Variants in NALF1 observed in about 807,000 individuals in gnomAD.
The protein encoded by NALF1 is NALCN channel auxiliary factor 1.
Under a neutral mutation model 48.4 loss-of-function variants are expected in NALF1, and 3 were observed. The observed-to-expected ratio is 0.06, with a 90% confidence interval of 0.03 to 0.16. The LOEUF is 0.16. Among genes scored for constraint, NALF1 ranks in the 10% least tolerant of loss-of-function variants. The pLI is 1.00. For synonymous variants in NALF1, 262 were observed against 245.7 expected (o/e 1.07, Z -0.62); for missense variants, 526 against 571.5 (o/e 0.92, Z 0.81).
chr13:107,767,203 T>A (rs1877439941), intron 1 of NALF1, among the ~76,000 whole-genome samples: 1 of 152,196 alleles, frequency 6.6e-6, no homozygotes, highest in Non-Finnish European at 1.5e-5. Context: ...AACATTGAAA[T>A]CTACAACATG....
At chr13:107,647,460 A>T (rs527819395) in intron 1 of NALF1, among the ~76,000 whole-genome samples, 16 of 151,234 alleles carry the variant, frequency 1.1e-4, no homozygotes, top group African/African-American at 3.4e-4. Context: ...ACTATGTTTT[A>T]TCGAAAAAAA....
At chr13:107,627,991 T>C (rs756699413) in intron 1 of NALF1, among the ~76,000 whole-genome samples, 10 of 152,116 alleles carry the variant, frequency 6.6e-5, no homozygotes, top group Non-Finnish European at 1.2e-4. Flanking sequence ...TAAAGTTATG[T>C]GGAATTTATA....
intron 1 of NALF1, among the ~76,000 whole-genome samples, chr13:107,710,385 G>T (rs1309115491): frequency 4.6e-5 from 7 of 151,982 alleles, no homozygotes; most frequent in African/African-American, 1.7e-4. Flanking sequence ...GAATCCCCAG[G>T]AGACCAGGTG....
intron 1 of NALF1, among the ~76,000 whole-genome samples, chr13:107,499,892 T>C (rs954034321): frequency 7.2e-5 from 11 of 152,314 alleles, no homozygotes; most frequent in East Asian, 5.8e-4. Context: ...TAAAATAATA[T>C]GCTGATAGAC....
chr13:107,819,374 G>A (rs995751858), intron 1 of NALF1, among the ~76,000 whole-genome samples: 1 of 152,132 alleles, frequency 6.6e-6, no homozygotes, highest in Non-Finnish European at 1.5e-5. Context: ...TAATTCGTCA[G>A]ATTCTGCCTC....
In NALF1 at chr13:107,252,688, G is replaced by C. The variant is rs1880727747; in HGVS notation, c.916-41933C>G. On this transcript the variant is annotated intron_variant, in intron 1 of 2. Transcript: ENST00000375915. ...GGGGTGGGGGAAAGAGATTAGACAA[G>C]GGCAGGAATGCCAGGTGGGACCACG... Among the ~76,000 whole-genome samples the C allele has an allele frequency of 2.0e-5, 3 of 152,086 alleles. No individual in the cohort carries two copies. In the South Asian group the frequency reaches 6.2e-4, roughly 31 times the overall value.
intron 1 of NALF1, among the ~76,000 whole-genome samples, chr13:107,519,261 T>G (rs1349044859): frequency 6.6e-6 from 1 of 152,110 alleles, no homozygotes; most frequent in East Asian, 1.9e-4. Flanking sequence ...CAATTCCAAT[T>G]TATTTGATTG....
Position 107,467,096 on chromosome 13 carries a change from A to T in NALF1, c.916-256341T>A, listed in dbSNP as rs527383056. 2.0e-5 allele frequency among the ~76,000 whole-genome samples: 3 copies of T among 152,274 alleles called. No homozygotes were observed. In the South Asian group the frequency reaches 6.2e-4, roughly 32 times the overall value. On this transcript the variant is annotated intron_variant, in intron 1 of 2. Transcript: ENST00000375915. ...TTGAAATATTTGACCACTTTTTCTAAGGAGTTTTTTTCATCTGTTAATTCA... is the reference window on the plus strand; with the variant it reads ...TTGAAATATTTGACCACTTTTTCTATGGAGTTTTTTTCATCTGTTAATTCA...
At chr13:107,470,872 C>T (rs968088783) in intron 1 of NALF1, among the ~76,000 whole-genome samples, 2 of 151,946 alleles carry the variant, frequency 1.3e-5, no homozygotes, top group South Asian at 2.1e-4. Context: ...TAACTACGAT[C>T]GTTAATAATT....
chr13:107,300,978 C>A (rs1289235067), intron 1 of NALF1, among the ~76,000 whole-genome samples: 1 of 152,148 alleles, frequency 6.6e-6, no homozygotes, highest in Non-Finnish European at 1.5e-5. Flanking sequence ...ATTCTTAAAT[C>A]TATCAGGTTA....
chr13:107,322,340 C>A (rs1418281462), intron 1 of NALF1, among the ~76,000 whole-genome samples: 1 of 152,072 alleles, frequency 6.6e-6, no homozygotes, highest in Admixed American at 6.6e-5. Flanking sequence ...CATTACAAAC[C>A]ATAAAGAAGT....
At chr13:107,484,637 T>C (rs1310426752) in intron 1 of NALF1, among the ~76,000 whole-genome samples, 1 of 152,142 alleles carries the variant, frequency 6.6e-6, no homozygotes, top group South Asian at 2.1e-4. Context: ...CCCAATTCCT[T>C]GGTAGCTCTG....
chr13:107,837,220 G>A (rs4448799), intron 1 of NALF1, among the ~76,000 whole-genome samples: 6,054 of 152,232 alleles, frequency 0.04, 320 homozygotes, highest in African/African-American at 0.11. Context: ...GCTCTATACA[G>A]TGTAACCAAT....
chr13:107,327,621 C>T (rs1882388870), intron 1 of NALF1, among the ~76,000 whole-genome samples: 1 of 137,134 alleles, frequency 7.3e-6, no homozygotes, highest in South Asian at 2.2e-4. Context: ...GATAGCAATA[C>T]TTTTAAAAAA....
chr13:107,257,795 T>TG (rs1053330806), intron 1 of NALF1, among the ~76,000 whole-genome samples: 1 of 151,898 alleles, frequency 6.6e-6, no homozygotes, highest in East Asian at 1.9e-4. Context: ...AGGTAGGGGA[T>TG]GGGGGGTGGT....
At chr13:107,754,261 C>A (rs939174100) in intron 1 of NALF1, among the ~76,000 whole-genome samples, 7 of 151,762 alleles carry the variant, frequency 4.6e-5, no homozygotes, top group Non-Finnish European at 1.0e-4. Flanking sequence ...AATCCACAAA[C>A]CTTTCATTTG....
chr13:107,587,586 A>G (rs538506941), intron 1 of NALF1, among the ~76,000 whole-genome samples: 51 of 152,270 alleles, frequency 3.3e-4, no homozygotes, highest in South Asian at 2.7e-3. Context: ...ACGCACTCTT[A>G]TAAGTGAGTC....
chr13:107,361,777 T>A (rs983633455), intron 1 of NALF1, among the ~76,000 whole-genome samples: 5 of 152,212 alleles, frequency 3.3e-5, no homozygotes, highest in African/African-American at 1.2e-4. Context: ...TAAGCCATTA[T>A]CAAATACAGT....
At chr13:107,556,745 CAA>C (rs1322453041) in intron 1 of NALF1, among the ~76,000 whole-genome samples, 5 of 152,148 alleles carry the variant, frequency 3.3e-5, no homozygotes, top group Admixed American at 1.3e-4. Flanking sequence ...CTCAGCCTCC[CAA>C]AGTACTGGGA....
Sources: gnomAD v4.1 joint callset for allele counts (sites outside exome capture counted in the v4.1 genomes callset) on GRCh38, gnomAD v4.1.1 for gene constraint, MANE v1.5 for transcripts, NCBI Gene and HGNC (gene_info 2026-07-23, HGNC 2026-07-21) for gene names.